Variants in GALNT5 observed in about 807,000 individuals in gnomAD.
The protein encoded by GALNT5 is UDP-GalNAc:polypeptide N-acetylgalactosaminyltransferase 5.
A neutral mutation model predicts 85.4 loss-of-function variants in GALNT5; 72 were observed. The ratio of observed to expected loss-of-function variants is 0.84; its 90% CI spans 0.70 to 1.03. The LOEUF is 1.03. GALNT5 is among the 50% of genes least tolerant of loss of function. GALNT5 has a pLI of 0.00. For synonymous variants in GALNT5, 404 were observed against 397.0 expected (o/e 1.02, Z -0.21); for missense variants, 1,137 against 1,135.5 (o/e 1.00, Z -0.02).
At chr2:157,283,069 T>G (rs1682891277) in intron 1 of GALNT5, among the ~76,000 whole-genome samples, 2 of 152,238 alleles carry the variant, frequency 1.3e-5, no homozygotes, top group South Asian at 2.1e-4. Context: ...CTTCTATTCT[T>G]GTGGATCTAA....
rs1362924118 is a variant in GALNT5, at chr2:157,317,189, TATATA to T, written c.*5842_*5846del. Among the ~76,000 whole-genome samples, 17 of 139,556 alleles carry T rather than the reference TATATA, an allele frequency of 1.2e-4. No homozygotes were observed. The highest frequency in any genetic ancestry group is 4.7e-4 in the African/African-American group (17 of 36,216). The allele number at this position is 139,556 out of a possible 152,430, so 91.6% of individuals were successfully genotyped here. A position where few individuals can be genotyped will look rare whatever the true frequency, so the allele number is the denominator to read the frequency against. The stretch of plus-strand genomic sequence containing the variant: ...GTATGTGTGTGTATATATATATATA[TATATA>T]TATATTTTTTTTTTTGATGCTTTGA... On this transcript the variant is annotated 3_prime_UTR_variant, in exon 10 of 10. Coordinates refer to ENST00000259056, the MANE Select transcript of GALNT5 (RefSeq NM_014568.3).
At chr2:157,291,633 A>ACCCCCCCCCCC (rs10650005) in intron 3 of GALNT5, among the ~76,000 whole-genome samples, 3 of 117,030 alleles carry the variant, frequency 2.6e-5, no homozygotes, top group Non-Finnish European at 5.2e-5. Context: ...GTTACCACCC[A>ACCCCCCCCCCC]CCCCCCCCCA....
At position 157,257,970 on chromosome 2, in the gene GALNT5, G is replaced by T; in HGVS notation, c.-113G>T. 9.4e-7 allele frequency: 1 copy of T among 1,067,802 alleles called. No homozygotes were observed. The highest frequency in any genetic ancestry group is 1.4e-6 in the Non-Finnish European group (1 of 713,752). 66.1% of individuals were successfully genotyped at this position (1,067,802 alleles called of 1,614,324 possible). A position where few individuals can be genotyped will look rare whatever the true frequency, so the allele number is the denominator to read the frequency against. On this transcript the variant is annotated 5_prime_UTR_variant, in exon 1 of 10. Transcript: ENST00000259056. ...CTTCCTGCTGTGTTCAGGGGAGGGG[G>T]TCACTTTCTGGCAACTCTGCTGCTG...
intron 1 of GALNT5, among the ~76,000 whole-genome samples, chr2:157,272,767 C>T (rs1305479551): frequency 6.6e-6 from 1 of 152,120 alleles, no homozygotes; most frequent in Non-Finnish European, 1.5e-5. Context: ...TTTTCTTTAT[C>T]CAATCCACCA....
intron 1 of GALNT5, among the ~76,000 whole-genome samples, chr2:157,271,040 C>T (rs1009754368): frequency 5.9e-5 from 9 of 151,836 alleles, no homozygotes; most frequent in Admixed American, 3.9e-4. Flanking sequence ...GGCGTGAACC[C>T]GGGAGGCGGA....
chr2:157,317,060 T>G lies in GALNT5; in HGVS notation c.*5712T>G, dbSNP rs1683720654. ...TTTAAGGATATTGGTCATAAGCATC[T>G]ATATAATAAACCCTTTATATTAGAT... On this transcript the variant is annotated 3_prime_UTR_variant, in exon 10 of 10. Transcript: ENST00000259056. Among the ~76,000 whole-genome samples the G allele has an allele frequency of 6.6e-6, 1 of 151,670 alleles. No homozygotes were observed. The highest frequency in any genetic ancestry group is 1.5e-5 in the Non-Finnish European group (1 of 67,858).
chr2:157,294,883 G>C (rs911453733), intron 3 of GALNT5, among the ~76,000 whole-genome samples: 5 of 151,966 alleles, frequency 3.3e-5, no homozygotes, highest in African/African-American at 1.2e-4. Flanking sequence ...AATGGAGAGA[G>C]AGAGAGAGAG....
At chr2:157,290,579 C>T (rs1380684967) in intron 3 of GALNT5, among the ~76,000 whole-genome samples, 14 of 152,082 alleles carry the variant, frequency 9.2e-5, no homozygotes, top group Non-Finnish European at 1.5e-4. Flanking sequence ...AATTAGAGAT[C>T]AGCAAAGACA....
Position 157,286,114 on chromosome 2 carries a change from C to T in GALNT5, c.1721C>T (p.Ala574Val). 1 of 1,613,296 alleles carries T rather than the reference C, an allele frequency of 6.2e-7. No homozygotes were observed. Among genetic ancestry groups the T allele is most frequent in the Admixed American group, 1.7e-5 (1 of 60,012 alleles). The change falls in exon 3 of 10, where the codon GCA (alanine) becomes GTA (valine). Residue 574 changes from alanine (A) to valine (V), a missense_variant. By Grantham distance (64) the Ala-to-Val change is moderately conservative. Coordinates refer to ENST00000259056, the MANE Select transcript of GALNT5 (RefSeq NM_014568.3). ...CATGGCTTAATAAGGGCCAGGCTGG[C>T]AGGAGCACAGAATGCAACAGGTAAG... ...ERHGLIRARL[A>V]GAQNATGDVL...
At chr2:157,288,060 C>T (rs942927705) in intron 3 of GALNT5, among the ~76,000 whole-genome samples, 8 of 152,184 alleles carry the variant, frequency 5.3e-5, no homozygotes, top group African/African-American at 1.9e-4. Flanking sequence ...ATCAACTACA[C>T]CTTGAGGCCT....
intron 1 of GALNT5, among the ~76,000 whole-genome samples, chr2:157,260,217 A>G (rs1241263673): frequency 6.6e-6 from 1 of 152,244 alleles, no homozygotes. Context: ...ATTTGTAGAC[A>G]TTCACTATTT....
intron 5 of GALNT5, among the ~76,000 whole-genome samples, chr2:157,298,463 C>T (rs1214116813): frequency 2.0e-5 from 3 of 152,206 alleles, no homozygotes; most frequent in Middle Eastern, 3.2e-3. Context: ...CCTTCATCTG[C>T]ACAGGGCGCC....
chr2:157,302,499 G>T (rs1300134886), intron 7 of GALNT5: 3 of 151,224 alleles, frequency 2.0e-5, no homozygotes, highest in Admixed American at 2.0e-4. Flanking sequence ...AGACATTTTG[G>T]ATTTATATAC....
chr2:157,316,562 C>G lies in GALNT5; in HGVS notation c.*5214C>G, dbSNP rs1189465397. 6.6e-6 allele frequency among the ~76,000 whole-genome samples: 1 copy of G among 151,992 alleles called. No homozygotes were observed. The highest frequency in any genetic ancestry group is 6.6e-5 in the Admixed American group (1 of 15,236). ...GGTTGTCACTACTGTGCTTTTGCAA[C>G]AACTTTTGCATGGGTTACTCAATAG... On this transcript the variant is annotated 3_prime_UTR_variant, in exon 10 of 10. Transcript: ENST00000259056.
At chr2:157,305,614 A>C (rs962147687) in intron 7 of GALNT5, 135 bp from the exon 8 acceptor site, 2 of 593,788 alleles carry the variant, frequency 3.4e-6, no homozygotes, top group African/African-American at 3.7e-5. Flanking sequence ...ATAAAACTGG[A>C]TAGTGCTAAG....
intron 9 of GALNT5, among the ~76,000 whole-genome samples, chr2:157,310,507 T>G (rs1341151579): frequency 6.6e-6 from 1 of 152,178 alleles, no homozygotes; most frequent in Non-Finnish European, 1.5e-5. Flanking sequence ...TCACCCCTGT[T>G]TGATAACTTT....
intron 1 of GALNT5, among the ~76,000 whole-genome samples, chr2:157,261,588 G>A (rs973422085): frequency 4.6e-5 from 7 of 152,154 alleles, no homozygotes; most frequent in South Asian, 2.1e-4. Context: ...CGGATGCTAC[G>A]CTCCACTCAG....
At chr2:157,293,165 T>G (rs1005641155) in intron 3 of GALNT5, among the ~76,000 whole-genome samples, 8 of 152,184 alleles carry the variant, frequency 5.3e-5, no homozygotes, top group Non-Finnish European at 1.0e-4. Context: ...TTAGTCCTTT[T>G]GGGCTGCTAT....
Position 157,258,444 on chromosome 2 carries a change from G to A in GALNT5, c.362G>A (p.Gly121Asp), listed in dbSNP as rs1456913743. The A allele has an allele frequency of 3.7e-6, 6 of 1,607,292 alleles. No individual in the cohort carries two copies. The highest frequency in any genetic ancestry group is 1.7e-5 in the Admixed American group (1 of 59,010). ...AAAATGCAGAATGCCCTGGGAAGGG[G>A]CAAGGTTGTGCCGTTGTGGCATCCT... ...ERKMQNALGR[G>D]KVVPLWHPAH... is the part of the protein sequence containing the mutation. Residue 121 changes from glycine to aspartate, a missense_variant, in exon 1 of 10, where the codon GGC becomes GAC. Physicochemically the swap from Gly to Asp is moderately conservative, Grantham distance 94. Coordinates refer to ENST00000259056, the MANE Select transcript of GALNT5 (RefSeq NM_014568.3).
Sources: allele counts gnomAD v4.1 joint callset (sites outside exome capture counted in the v4.1 genomes callset), GRCh38; gene constraint gnomAD v4.1.1; transcripts MANE v1.5; gene names NCBI Gene and HGNC (gene_info 2026-07-23, HGNC 2026-07-21).